SPEN: variants seen among roughly 807,000 people sequenced by gnomAD.
SPEN encodes msx2-interacting protein.
SPEN carries 18 observed loss-of-function variants against 269.9 expected under a neutral mutation model. That is an observed-to-expected ratio of 0.07 (90% CI 0.05 to 0.10). The LOEUF is 0.10. SPEN is among the 10% of genes least tolerant of loss of function. SPEN has a pLI of 1.00. For missense variants in SPEN, 3,822 were observed against 4,631.2 expected (o/e 0.83, Z 5.07); for synonymous variants, 1,726 against 1,765.7 (o/e 0.98, Z 0.56).
At chr1:15,868,854 G>A (rs1023711519) in intron 1 of SPEN, among the ~76,000 whole-genome samples, 6 of 152,044 alleles carry the variant, frequency 3.9e-5, no homozygotes, top group African/African-American at 1.4e-4. Context: ...CTGACATGAG[G>A]TATATGACAT....
At chr1:15,883,477 A>G (rs1336158485) in intron 3 of SPEN, among the ~76,000 whole-genome samples, 1 of 151,826 alleles carries the variant, frequency 6.6e-6, no homozygotes, top group African/African-American at 2.4e-5. Context: ...GCTAGAGTGC[A>G]GTGGTGTGAT....
In SPEN at chr1:15,933,364, T is replaced by C. The variant is rs1363601755; in HGVS notation, c.7124T>C (p.Val2375Ala). 6.2e-7 allele frequency: 1 copy of C among 1,613,952 alleles called. No individual in the cohort carries two copies. The highest frequency in any genetic ancestry group is 2.2e-5 in the East Asian group (1 of 44,892). ...CCTGCTGCAAATGAGGGGACAACAGTACAGCACCCCGAAGCCCCACAGGAA... is the reference window on the plus strand; with the variant it reads ...CCTGCTGCAAATGAGGGGACAACAGCACAGCACCCCGAAGCCCCACAGGAA... ...ESPAANEGTT[V>A]QHPEAPQEEK... The change falls in exon 11 of 15, where the codon GTA becomes GCA. Residue 2375 changes from valine to alanine, a missense_variant. Val to Ala is a moderately conservative substitution (Grantham distance 64). Transcript: ENST00000375759. This position sits in a 1 kb window ranked among gnomAD's most constrained non-coding sequence, Gnocchi z 5.7.
chr1:15,920,156 G>A (rs898814077), intron 8 of SPEN, among the ~76,000 whole-genome samples: 10 of 151,706 alleles, frequency 6.6e-5, no homozygotes, highest in African/African-American at 2.2e-4. Flanking sequence ...TGCAACCTCC[G>A]CCTCCCAGGT....
chr1:15,909,358 G>C lies in SPEN; in HGVS notation c.919G>C (p.Ala307Pro), dbSNP rs1171646372. ...CAGTAGTTCAAGTGATGATTCTCCA[G>C]CTCGATCAGTTCAGTCTGCAGCAGT... ...SSSSSSDDSPARSVQSAAVPA... is the reference protein window; with the variant it reads ...SSSSSSDDSPPRSVQSAAVPA... The change falls in exon 4 of 15, where the codon GCT becomes CCT. Residue 307 changes from alanine to proline, a missense_variant. Ala to Pro is a conservative substitution (Grantham distance 27). Transcript: ENST00000375759. 6.2e-7 allele frequency: 1 copy of C among 1,613,682 alleles called. No homozygotes were observed.
rs777145562 is a variant in SPEN, at chr1:15,935,400, G to A, written c.9160G>A (p.Ala3054Thr). The part of the protein sequence containing the change: ...STASTALSTN[A>T]TVMLAAGIPV... ...TGCATCTACGGCGCTCTCCACCAAC[G>A]CCACAGTCATGCTGGCTGCAGGCAT... is the stretch of plus-strand genomic sequence containing the variant. Residue 3054 changes from alanine to threonine, a missense_variant, in exon 11 of 15, where the codon GCC becomes ACC. Ala to Thr is a moderately conservative substitution (Grantham distance 58). This residue lies in a region of SPEN where 153 missense variants were observed against 228.5 expected (regional missense o/e 0.67). Coordinates refer to ENST00000375759, the MANE Select transcript of SPEN (RefSeq NM_015001.3). The surrounding 1 kb of genome is among the most constrained non-coding windows in gnomAD (Gnocchi z 7.7). 10 of 1,614,020 alleles carry A rather than the reference G, an allele frequency of 6.2e-6. No individual in the cohort carries two copies. The highest frequency in any genetic ancestry group is 4.5e-5 in the East Asian group (2 of 44,874).
At position 15,848,196 on chromosome 1, in the gene SPEN, C is replaced by T. The variant is rs763092773; in HGVS notation, c.83+46C>T. 3.3e-5 allele frequency: 45 copies of T among 1,352,176 alleles called. No homozygotes were observed. The South Asian group carries it at 5.8e-4, about 17-fold the overall frequency. The allele number at this position is 1,352,176 out of a possible 1,614,324, so 83.8% of individuals were successfully genotyped here. A position where few individuals can be genotyped will look rare whatever the true frequency, so the allele number is the denominator to read the frequency against. ...GGCCGCGCTCGCTCCTCGGGCGCCG[C>T]TTCCCGCCCCGGCCCGTTGCCGGCC... is the stretch of plus-strand genomic sequence containing the variant. On this transcript the variant is annotated intron_variant, in intron 1 of 14. Transcript: ENST00000375759. The surrounding 1 kb of genome is among the most constrained non-coding windows in gnomAD (Gnocchi z 5.1).
At chr1:15,854,281 A>G (rs1037090499) in intron 1 of SPEN, among the ~76,000 whole-genome samples, 3 of 152,128 alleles carry the variant, frequency 2.0e-5, no homozygotes, top group East Asian at 1.9e-4. Flanking sequence ...CTTGAAACAC[A>G]TATATTAGCC....
At chr1:15,882,533 G>A (rs777677569) in intron 3 of SPEN, among the ~76,000 whole-genome samples, 22 of 152,080 alleles carry the variant, frequency 1.4e-4, no homozygotes, top group Admixed American at 1.3e-3. Context: ...AGTGGTGGGC[G>A]CCTGTAATCC....
chr1:15,934,728 A>G lies in SPEN; in HGVS notation c.8488A>G (p.Ile2830Val). The change falls in exon 11 of 15, where the codon ATC becomes GTC. Residue 2830 changes from isoleucine (I) to valine (V), a missense_variant. Around this residue, in one of 16 missense-constraint regions of SPEN, gnomAD observed 329 missense variants for 431.2 expected, o/e 0.76. Transcript: ENST00000375759. This position sits in a 1 kb window ranked among gnomAD's most constrained non-coding sequence, Gnocchi z 9.2. ...GCAGAAGACCGAAGGCCCACAGCGG[A>G]TCAGCGCCAAGATCAGCCAGATCCC... ...SGQKTEGPQR[I>V]SAKISQIPPA... 1.9e-6 allele frequency: 3 copies of G among 1,614,132 alleles called. No individual in the cohort carries two copies. Among genetic ancestry groups the G allele is most frequent in the Non-Finnish European group, 2.5e-6 (3 of 1,180,010 alleles).
At chr1:15,867,207 A>G (rs1212414628) in intron 1 of SPEN, among the ~76,000 whole-genome samples, 1 of 152,064 alleles carries the variant, frequency 6.6e-6, no homozygotes, top group East Asian at 1.9e-4. Context: ...GGATTTGCCT[A>G]TTTTGGACCT....
At chr1:15,923,086 A>G (rs2071134776) in intron 10 of SPEN, among the ~76,000 whole-genome samples, 1 of 152,218 alleles carries the variant, frequency 6.6e-6, no homozygotes, top group African/African-American at 2.4e-5. Flanking sequence ...AAATAAATAA[A>G]TAAATAAAAA....
intron 5 of SPEN, 88 bp downstream of exon 5, chr1:15,911,389 T>TA: frequency 9.9e-7 from 1 of 1,009,086 alleles, no homozygotes; most frequent in Non-Finnish European, 1.5e-6. Context: ...TGATCCTGAA[T>TA]GAGGACACTA....
Position 15,873,009 on chromosome 1 carries a change from G to A in SPEN, c.277G>A (p.Asp93Asn), listed in dbSNP as rs757847934. The part of the protein sequence containing the change: ...TIPSAARGLD[D>N]TVSIASRSRE... Reference sequence around the variant, plus strand: ...CCCGAGTGCTGCTCGGGGATTGGATGATACAGTTTCCATAGCATCTCGTAG... The same window carrying A: ...CCCGAGTGCTGCTCGGGGATTGGATAATACAGTTTCCATAGCATCTCGTAG... Residue 93 changes from aspartate to asparagine, a missense_variant, in exon 2 of 15, where the codon GAT becomes AAT. This residue lies in a region of SPEN where 327 missense variants were observed against 350.8 expected (regional missense o/e 0.93). Coordinates refer to ENST00000375759, the MANE Select transcript of SPEN (RefSeq NM_015001.3). 3 of 1,614,190 alleles carry A rather than the reference G, an allele frequency of 1.9e-6. No individual in the cohort carries two copies. Among genetic ancestry groups the A allele is most frequent in the Admixed American group, 1.7e-5 (1 of 60,024 alleles).
intron 1 of SPEN, among the ~76,000 whole-genome samples, chr1:15,852,046 G>T (rs891603109): frequency 4.6e-5 from 7 of 152,246 alleles, no homozygotes; most frequent in Admixed American, 3.3e-4. Flanking sequence ...TAAAATGTTT[G>T]ATCACAGTGG....
At chr1:15,876,156 T>C in intron 2 of SPEN, 46 bp from the exon 3 acceptor site, 1 of 1,474,282 alleles carries the variant, frequency 6.8e-7, no homozygotes, top group Non-Finnish European at 9.4e-7. Flanking sequence ...CTTTTAGTTT[T>C]GCTTGCTCCT....
intron 1 of SPEN, among the ~76,000 whole-genome samples, chr1:15,871,746 A>C (rs531030417): frequency 1.4e-4 from 21 of 152,332 alleles, no homozygotes; most frequent in Non-Finnish European, 2.6e-4. Context: ...TTTTGCCTTT[A>C]AGTAAGGAGT....
chr1:15,889,821 C>A (rs1362583196), intron 3 of SPEN, among the ~76,000 whole-genome samples: 1 of 151,996 alleles, frequency 6.6e-6, no homozygotes, highest in African/African-American at 2.4e-5. Flanking sequence ...TCAAGTGATT[C>A]TTCTGCCTCA....
intron 8 of SPEN, among the ~76,000 whole-genome samples, chr1:15,920,459 T>C (rs2071107755): frequency 6.6e-6 from 1 of 152,218 alleles, no homozygotes; most frequent in Non-Finnish European, 1.5e-5. Context: ...GTTATGCTAC[T>C]TGTAGCCAAA....
chr1:15,879,004 C>CAAAAAAAAAA (rs3048559), intron 3 of SPEN, among the ~76,000 whole-genome samples: 5 of 76,542 alleles, frequency 6.5e-5, no homozygotes, highest in Admixed American at 1.4e-4. Context: ...GACTCTGTCT[C>CAAAAAAAAAA]AAAAAAAAAA....
Sources: gnomAD v4.1 joint callset for allele counts (sites outside exome capture counted in the v4.1 genomes callset) on GRCh38, gnomAD v4.1.1 for gene constraint, gnomAD v4.1.1 regional missense constraint, Gnocchi (gnomAD v3.1) non-coding constraint, MANE v1.5 for transcripts, NCBI Gene and HGNC (gene_info 2026-07-23, HGNC 2026-07-21) for gene names.